Variants in MIGA1 observed in about 807,000 individuals in gnomAD.
MIGA1 encodes the protein mitoguardin 1.
Under a neutral mutation model 82.0 loss-of-function variants are expected in MIGA1, and 58 were observed. The observed-to-expected ratio is 0.71, with a 90% confidence interval of 0.57 to 0.88. MIGA1 has a LOEUF of 0.88. Among genes scored for constraint, MIGA1 ranks in the 40% least tolerant of loss-of-function variants. The pLI is 0.00. For missense variants in MIGA1, 751 were observed against 749.1 expected, an observed-to-expected ratio of 1.00 and a Z score of -0.03; for synonymous variants, 249 against 253.6, an observed-to-expected ratio of 0.98 and a Z score of 0.17.
chr1:77,787,345 A>G (rs927446429), intron 2 of MIGA1, among the ~76,000 whole-genome samples: 6 of 149,492 alleles, frequency 4.0e-5, no homozygotes, highest in Admixed American at 4.0e-4. Flanking sequence ...TTGACCATTT[A>G]TATGTATCCT....
chr1:77,799,383 A>T (rs1428008794), intron 2 of MIGA1, among the ~76,000 whole-genome samples: 4 of 152,220 alleles, frequency 2.6e-5, no homozygotes, highest in African/African-American at 9.6e-5. Flanking sequence ...CATGTTTAAG[A>T]TAGGCTAGTT....
chr1:77,819,344 C>T (rs1388312493), intron 7 of MIGA1, among the ~76,000 whole-genome samples: 2 of 151,930 alleles, frequency 1.3e-5, no homozygotes, highest in Non-Finnish European at 2.9e-5. Flanking sequence ...AGTGCAGTGG[C>T]GTGATCTTGG....
At chr1:77,813,335 T>C (rs1196299310) in intron 5 of MIGA1, among the ~76,000 whole-genome samples, 1 of 152,204 alleles carries the variant, frequency 6.6e-6, no homozygotes, top group African/African-American at 2.4e-5. Context: ...TAGCTTTTTG[T>C]AAACTGGTTT....
In MIGA1 at chr1:77,786,852, C is replaced by T. The variant is rs891977452; in HGVS notation, c.195+3501C>T. On this transcript the variant is annotated intron_variant, in intron 2 of 15. Coordinates refer to ENST00000370791, the MANE Select transcript of MIGA1 (RefSeq NM_198549.4). ...CTATTTGAACCTCTGCCTGTTATCC[C>T]GTTCCAAAGTCACATCCACATTTTT... 3.3e-5 allele frequency among the ~76,000 whole-genome samples: 5 copies of T among 152,328 alleles called. 1 individual carries two copies. The South Asian group carries it at 8.3e-4, about 25-fold the overall frequency.
At chr1:77,795,622 A>G (rs2101728125) in intron 2 of MIGA1, among the ~76,000 whole-genome samples, 1 of 148,438 alleles carries the variant, frequency 6.7e-6, no homozygotes, top group East Asian at 2.0e-4. Flanking sequence ...TGGGCCTGGT[A>G]TATTACTTTC....
chr1:77,789,764 A>G (rs1682339673), intron 2 of MIGA1, among the ~76,000 whole-genome samples: 3 of 151,916 alleles, frequency 2.0e-5, no homozygotes, highest in South Asian at 4.2e-4. Flanking sequence ...GCTATCTAGT[A>G]TAAAATGGCA....
At chr1:77,815,261 G>T in intron 7 of MIGA1, 30 bp downstream of exon 7, 1 of 1,511,524 alleles carries the variant, frequency 6.6e-7, no homozygotes, top group Non-Finnish European at 8.9e-7. Flanking sequence ...TGGCTTTTAT[G>T]AAATGTTTAC....
chr1:77,818,760 T>C lies in MIGA1; in HGVS notation c.895+3529T>C, dbSNP rs559665941. Among the ~76,000 whole-genome samples the C allele has an allele frequency of 8.9e-4, 135 of 152,150 alleles. 1 individual carries two copies. The highest frequency in any genetic ancestry group is 3.1e-3 in the African/African-American group (128 of 41,518). On this transcript the variant is annotated intron_variant, in intron 7 of 15. Coordinates refer to ENST00000370791, the MANE Select transcript of MIGA1 (RefSeq NM_198549.4). ...CAGCCTTGTATAGTGAGACCTCATC[T>C]CTAGAGGAAACTCTAGATAAAAAAT...
At chr1:77,792,569 TA>T (rs1007867907) in intron 2 of MIGA1, among the ~76,000 whole-genome samples, 3 of 152,118 alleles carry the variant, frequency 2.0e-5, no homozygotes, top group Admixed American at 6.5e-5. Context: ...AGAAAAAGGA[TA>T]AAAAAAGTTT....
At chr1:77,803,858 G>A (rs1038674943) in intron 4 of MIGA1, among the ~76,000 whole-genome samples, 55 of 152,182 alleles carry the variant, frequency 3.6e-4, no homozygotes, top group African/African-American at 1.3e-3. Context: ...GCACAATAGG[G>A]TGACTGCAGT....
At position 77,859,325 on chromosome 1, in the gene MIGA1, TG is replaced by T; in HGVS notation, c.1129del (p.Glu377SerfsTer3). The T allele has an allele frequency of 6.2e-7, 1 of 1,612,666 alleles. No homozygotes were observed. The highest frequency in any genetic ancestry group is 8.5e-7 in the Non-Finnish European group (1 of 1,178,668). ...TGTTTATTACATAGAACTGAAATGT[TG>T]GAGTGCCTAGGAGACAGTGATTTTC... On this transcript the variant is annotated frameshift_variant, in exon 10 of 16. Transcript: ENST00000370791. LOFTEE classifies it high-confidence loss of function.
chr1:77,855,597 G>A (rs143975732), intron 8 of MIGA1, among the ~76,000 whole-genome samples: 7,207 of 151,966 alleles, frequency 0.047, 229 homozygotes, highest in East Asian at 0.11. Context: ...TCCTTGTAGA[G>A]GTCTTTGGAC....
At chr1:77,792,091 C>T (rs1682450332) in intron 2 of MIGA1, among the ~76,000 whole-genome samples, 1 of 152,100 alleles carries the variant, frequency 6.6e-6, no homozygotes, top group Admixed American at 6.6e-5. Context: ...AGGAAAGCAA[C>T]TTTATTGAAA....
chr1:77,828,013 G>A (rs1456772214), intron 7 of MIGA1, among the ~76,000 whole-genome samples: 1 of 151,968 alleles, frequency 6.6e-6, no homozygotes, highest in Middle Eastern at 3.4e-3. Flanking sequence ...AACCAAGATT[G>A]GGCCACTGCA....
intron 13 of MIGA1, 91 bp from the exon 14 acceptor site, chr1:77,866,247 C>G (rs1460099306): frequency 2.1e-5 from 25 of 1,171,538 alleles, no homozygotes; most frequent in Non-Finnish European, 1.6e-5. Context: ...ATGTATTGAA[C>G]GTTTTAGACC....
chr1:77,875,325 G>A lies in MIGA1; in HGVS notation c.*261G>A, dbSNP rs556430646. ...GAAATGTATATTTTACAGAAATATC[G>A]CTTGAATTGAAGCCAATATTTGGGA... On this transcript the variant is annotated 3_prime_UTR_variant, in exon 16 of 16. Transcript: ENST00000370791. 6 of 343,720 alleles carry A rather than the reference G, an allele frequency of 1.7e-5. No individual in the cohort carries two copies. Among genetic ancestry groups the A allele is most frequent in the South Asian group, 9.6e-5 (2 of 20,758 alleles). The allele number at this position is 343,720 out of a possible 1,614,324, so 21.3% of individuals were successfully genotyped here. A position where few individuals can be genotyped will look rare whatever the true frequency, so the allele number is the denominator to read the frequency against.
At chr1:77,803,095 A>G (rs1285340743) in intron 3 of MIGA1, among the ~76,000 whole-genome samples, 175 bp from the exon 4 acceptor site, 1 of 152,174 alleles carries the variant, frequency 6.6e-6, no homozygotes, top group Non-Finnish European at 1.5e-5. Flanking sequence ...ATATAAGATT[A>G]TATAAAGATT....
intron 5 of MIGA1, chr1:77,810,929 T>A (rs1570946169): frequency 1.2e-6 from 2 of 1,612,054 alleles, no homozygotes; most frequent in Non-Finnish European, 1.7e-6. Context: ...TGCAATTTCT[T>A]TCTTTTAAAG....
intron 8 of MIGA1, among the ~76,000 whole-genome samples, chr1:77,851,264 T>TAA (rs1685039213): frequency 6.6e-6 from 1 of 152,226 alleles, no homozygotes; most frequent in Non-Finnish European, 1.5e-5. Flanking sequence ...ACAAATATAG[T>TAA]ATTACTTTTC....
Sources: allele counts gnomAD v4.1 joint callset (sites outside exome capture counted in the v4.1 genomes callset), GRCh38; gene constraint gnomAD v4.1.1; transcripts MANE v1.5; gene names NCBI Gene and HGNC (gene_info 2026-07-23, HGNC 2026-07-21).